Variants in SLC71A2 observed in about 807,000 individuals in gnomAD.
The protein encoded by SLC71A2 is hippocampus abundant transcript-like 1.
At chr9:94,423,444 C>T in the SLC71A2 span, among the ~76,000 whole-genome samples, 11 of 152,154 alleles carry the variant, frequency 7.2e-5, no homozygotes, top group Non-Finnish European at 1.3e-4. Context: ...CCAGATAACC[C>T]GGATAACCTT....
the SLC71A2 span, among the ~76,000 whole-genome samples, chr9:94,428,280 T>TA: frequency 6.6e-6 from 1 of 150,908 alleles, no homozygotes; most frequent in Non-Finnish European, 1.5e-5. Flanking sequence ...CTCTGTGACT[T>TA]ACATTTATTA....
the SLC71A2 span, among the ~76,000 whole-genome samples, chr9:94,389,318 T>A: frequency 1.3e-5 from 2 of 151,682 alleles, no homozygotes; most frequent in Non-Finnish European, 2.9e-5. Flanking sequence ...CAGGCTGGAG[T>A]GCAGTGGCGG....
At chr9:94,459,072 G>A in the SLC71A2 span, 3 of 1,321,584 alleles carry the variant, frequency 2.3e-6, no homozygotes, top group Non-Finnish European at 3.2e-6. Context: ...ACTTTTTGGT[G>A]GTGTGTTTTT....
At chr9:94,408,931 A>T in the SLC71A2 span, among the ~76,000 whole-genome samples, 1 of 149,664 alleles carries the variant, frequency 6.7e-6, no homozygotes, top group East Asian at 2.0e-4. Context: ...GGTTCAAGCG[A>T]TTCTCCTGCC....
chr9:94,390,632 A>G, the SLC71A2 span, among the ~76,000 whole-genome samples: 1 of 152,204 alleles, frequency 6.6e-6, no homozygotes, highest in African/African-American at 2.4e-5. Context: ...GATCCCATAT[A>G]TGGATGTGCA....
the SLC71A2 span, among the ~76,000 whole-genome samples, chr9:94,402,763 C>G: frequency 6.6e-6 from 1 of 152,286 alleles, no homozygotes; most frequent in East Asian, 1.9e-4. Flanking sequence ...TACCTACAGA[C>G]TCATCTTGAA....
chr9:94,404,438 G>A, the SLC71A2 span, among the ~76,000 whole-genome samples: 1 of 151,998 alleles, frequency 6.6e-6, no homozygotes, highest in Non-Finnish European at 1.5e-5. Flanking sequence ...TAGGAACACA[G>A]GCATGCGCCA....
At chr9:94,385,239 T>A in the SLC71A2 span, among the ~76,000 whole-genome samples, 1 of 152,246 alleles carries the variant, frequency 6.6e-6, no homozygotes, top group South Asian at 2.1e-4. Context: ...TAAATTCTGA[T>A]AAAGTCCAGT....
chr9:94,404,634 G>A, the SLC71A2 span, among the ~76,000 whole-genome samples: 1 of 152,126 alleles, frequency 6.6e-6, no homozygotes, highest in Admixed American at 6.5e-5. Context: ...TTGGCCATTT[G>A]TGTATCTCTT....
chr9:94,387,628 G>C, the SLC71A2 span, among the ~76,000 whole-genome samples: 377 of 152,186 alleles, frequency 2.5e-3, 22 homozygotes, highest in East Asian at 0.068. Context: ...AATGGAGCTG[G>C]GACTTTCTTC....
At chr9:94,428,121 CAA>C in the SLC71A2 span, among the ~76,000 whole-genome samples, 11 of 125,526 alleles carry the variant, frequency 8.8e-5, no homozygotes, top group Admixed American at 8.0e-5. Flanking sequence ...ACTCCATCTC[CAA>C]AAAAAAAAAA....
chr9:94,412,247 TGTTA>T, the SLC71A2 span, among the ~76,000 whole-genome samples: 1 of 152,258 alleles, frequency 6.6e-6, no homozygotes, highest in Non-Finnish European at 1.5e-5. Flanking sequence ...TTTATTGGGC[TGTTA>T]GTCTTTTTCT....
the SLC71A2 span, chr9:94,446,673 C>T: frequency 8.3e-6 from 4 of 482,232 alleles, no homozygotes; most frequent in Non-Finnish European, 1.5e-5. Flanking sequence ...GTAACTTCCT[C>T]AGAAAGATGG....
the SLC71A2 span, among the ~76,000 whole-genome samples, chr9:94,390,628 A>G: frequency 2.2e-3 from 334 of 152,304 alleles, 4 homozygotes; most frequent in African/African-American, 7.4e-3. Flanking sequence ...TGTTGATCCC[A>G]TATATGGATG....
chr9:94,414,034 G>C, the SLC71A2 span, among the ~76,000 whole-genome samples: 1 of 151,936 alleles, frequency 6.6e-6, no homozygotes, highest in Non-Finnish European at 1.5e-5. Context: ...CCTGACTGTT[G>C]GTTAGAGGAA....
the SLC71A2 span, among the ~76,000 whole-genome samples, chr9:94,379,022 A>G: frequency 1.4e-5 from 2 of 144,532 alleles, no homozygotes; most frequent in Non-Finnish European, 3.0e-5. Flanking sequence ...ATTAGTTGGC[A>G]TAAAGCTGTG....
the SLC71A2 span, chr9:94,458,310 G>C: frequency 6.3e-7 from 1 of 1,597,698 alleles, no homozygotes; most frequent in Non-Finnish European, 8.5e-7. Flanking sequence ...TATTTTCTTT[G>C]TTCTGATTTA....
At chr9:94,418,768 T>C in the SLC71A2 span, among the ~76,000 whole-genome samples, 1 of 142,426 alleles carries the variant, frequency 7.0e-6, no homozygotes, top group South Asian at 2.2e-4. Context: ...TTTTTTTTTT[T>C]TTTTTTTCAC....
chr9:94,460,718 T>C, the SLC71A2 span: 3 of 152,600 alleles, frequency 2.0e-5, no homozygotes, highest in Non-Finnish European at 4.4e-5. Context: ...GTAAATCTTG[T>C]ATTTATAAAT....
Sources: allele counts gnomAD v4.1 joint callset (sites outside exome capture counted in the v4.1 genomes callset), GRCh38; gene constraint gnomAD v4.1.1; transcripts MANE v1.5; gene names NCBI Gene and HGNC (gene_info 2026-07-23, HGNC 2026-07-21).